Variants in FTCDNL1 observed in about 807,000 individuals in gnomAD.
The protein encoded by FTCDNL1 is formiminotransferase N-terminal subdomain-containing protein.
In FTCDNL1, 11 loss-of-function variants were observed where a neutral mutation model predicts 5.9. The observed-to-expected ratio is 1.87, with a 90% CI of 1.18 to 3.10. The LOEUF is 3.10. Among genes scored for constraint, FTCDNL1 ranks in the 30% most tolerant of loss-of-function variants. FTCDNL1 has a pLI of 0.00. For synonymous variants in FTCDNL1, 58 were observed against 24.8 expected (o/e 2.34, Z -3.99); for missense variants, 115 against 65.5 (o/e 1.76, Z -2.61).
chr2:199,685,931 G>A, the FTCDNL1 span, among the ~76,000 whole-genome samples: 1 of 152,206 alleles, frequency 6.6e-6, no homozygotes, highest in Non-Finnish European at 1.5e-5. Context: ...TTTACTTCAT[G>A]TGTGAGAAAT....
intron 3 of FTCDNL1, among the ~76,000 whole-genome samples, chr2:199,795,358 C>T (rs957752209): frequency 6.6e-6 from 1 of 152,172 alleles, no homozygotes; most frequent in African/African-American, 2.4e-5. Context: ...CCTCACTTTC[C>T]TCCCAATACA....
At position 199,846,083 on chromosome 2, in the gene FTCDNL1, T is replaced by C; in HGVS notation, c.203A>G (p.Asp68Gly). 1 of 693,218 alleles carries C rather than the reference T, an allele frequency of 1.4e-6. No homozygotes were observed. Among genetic ancestry groups the C allele is most frequent in the South Asian group, 1.5e-5 (1 of 65,472 alleles). 42.9% of individuals were successfully genotyped at this position (693,218 alleles called of 1,614,324 possible). A position where few individuals can be genotyped will look rare whatever the true frequency, so the allele number is the denominator to read the frequency against. The stretch of plus-strand genomic sequence containing the variant: ...AGAAACTGAAATCTTACCCAACTTA[T>C]CAACAGAAGTTGCTATTGTAATGAC... ...RSVITIATSV[D>G]KLGLAEDLVL... The change falls in exon 3 of 5, where the codon GAT (aspartate) becomes GGT (glycine). Residue 68 changes from aspartate (D) to glycine (G), a missense_variant. Physicochemically the swap from Asp to Gly is moderately conservative, Grantham distance 94. Transcript: ENST00000420128.
chr2:199,668,647 T>C, the FTCDNL1 span, among the ~76,000 whole-genome samples: 2 of 152,168 alleles, frequency 1.3e-5, no homozygotes, highest in East Asian at 1.9e-4. Context: ...TTGTTATGTT[T>C]GTCACCCCAG....
rs1229748897 is a variant in FTCDNL1, at chr2:199,809,464, T to C, written c.*3241A>G. ...TATTAAAGAAGATCACAGTCTTTCT[T>C]GCTAAACTCAATTTGTGGAAAAATT... is the stretch of plus-strand genomic sequence containing the variant. On this transcript the variant is annotated 3_prime_UTR_variant, in exon 5 of 5. Transcript: ENST00000420128. Among the ~76,000 whole-genome samples the C allele has an allele frequency of 6.6e-6, 1 of 152,182 alleles. No homozygotes were observed. The highest frequency in any genetic ancestry group is 1.5e-5 in the Non-Finnish European group (1 of 68,038).
chr2:199,769,862 T>C lies in FTCDNL1; in HGVS notation c.212-9027A>G, dbSNP rs529451459. Among the ~76,000 whole-genome samples, 118 of 152,322 alleles carry C rather than the reference T, an allele frequency of 7.7e-4. 1 individual carries two copies. In the Middle Eastern group the frequency reaches 0.01, roughly 13 times the overall value. On this transcript the variant is annotated intron_variant, in intron 3 of 3. Coordinates refer to the FTCDNL1 transcript ENST00000416668. ...TACTAAACTCTTCTCAGTACCCAGTTTGATTGAATCATCTGTTTCCTACAA... is the reference window on the plus strand; with the variant it reads ...TACTAAACTCTTCTCAGTACCCAGTCTGATTGAATCATCTGTTTCCTACAA...
chr2:199,687,496 T>C, the FTCDNL1 span, among the ~76,000 whole-genome samples: 8 of 152,348 alleles, frequency 5.3e-5, no homozygotes, highest in African/African-American at 1.9e-4. Context: ...AATAAAGCTA[T>C]GGTCAGCTCA....
At chr2:199,725,288 G>A in the FTCDNL1 span, among the ~76,000 whole-genome samples, 1 of 152,134 alleles carries the variant, frequency 6.6e-6, no homozygotes, top group African/African-American at 2.4e-5. Flanking sequence ...TTGCAAGTGA[G>A]ATGGGTCTCT....
chr2:199,784,778 T>C (rs973660487), intron 3 of FTCDNL1, among the ~76,000 whole-genome samples: 1 of 152,132 alleles, frequency 6.6e-6, no homozygotes, highest in Admixed American at 6.5e-5. Context: ...CTGGGGACAG[T>C]TCCTGGGGAG....
the FTCDNL1 span, among the ~76,000 whole-genome samples, chr2:199,736,517 A>T: frequency 6.6e-6 from 1 of 152,196 alleles, no homozygotes; most frequent in African/African-American, 2.4e-5. Context: ...TTCTCCCTTA[A>T]AGGTAGAAAT....
chr2:199,692,380 T>G, the FTCDNL1 span, among the ~76,000 whole-genome samples: 1 of 152,210 alleles, frequency 6.6e-6, no homozygotes. Context: ...ATGAATAATA[T>G]CACTATAACT....
the FTCDNL1 span, among the ~76,000 whole-genome samples, chr2:199,677,677 G>A: frequency 6.6e-6 from 1 of 152,112 alleles, no homozygotes; most frequent in Non-Finnish European, 1.5e-5. Flanking sequence ...GATTTTGAAA[G>A]AATACATATA....
the FTCDNL1 span, among the ~76,000 whole-genome samples, chr2:199,681,529 C>T: frequency 6.6e-6 from 1 of 152,140 alleles, no homozygotes; most frequent in African/African-American, 2.4e-5. Context: ...TCTGAAGCCT[C>T]TGCATAATAT....
intron 3 of FTCDNL1, among the ~76,000 whole-genome samples, chr2:199,787,339 C>T (rs368427097): frequency 1.3e-5 from 2 of 152,050 alleles, no homozygotes; most frequent in Non-Finnish European, 2.9e-5. Context: ...CACACTACCA[C>T]GCCCAGCTAA....
the FTCDNL1 span, among the ~76,000 whole-genome samples, chr2:199,749,277 T>C: frequency 6.6e-6 from 1 of 152,112 alleles, no homozygotes; most frequent in South Asian, 2.1e-4. Flanking sequence ...TGCTTAATGG[T>C]TTTTGAATGA....
intron 3 of FTCDNL1, among the ~76,000 whole-genome samples, chr2:199,843,909 T>A (rs1417225010): frequency 4.6e-5 from 7 of 151,702 alleles, no homozygotes; most frequent in African/African-American, 1.7e-4. Context: ...AAGTGGCAGT[T>A]CAGCTCTAAA....
the FTCDNL1 span, among the ~76,000 whole-genome samples, chr2:199,684,094 A>G: frequency 6.6e-6 from 1 of 152,238 alleles, no homozygotes; most frequent in African/African-American, 2.4e-5. Context: ...ACCACTTGCC[A>G]AAGAATTAAA....
At chr2:199,757,788 A>G (rs1251871519), downstream of FTCDNL1, among the ~76,000 whole-genome samples, 1 of 152,244 alleles carries the variant, frequency 6.6e-6, no homozygotes, top group Non-Finnish European at 1.5e-5. Context: ...CTAACTGTCC[A>G]GATGGGCATT....
chr2:199,845,112 C>T (rs2076695327), intron 3 of FTCDNL1, among the ~76,000 whole-genome samples: 1 of 151,878 alleles, frequency 6.6e-6, no homozygotes, highest in South Asian at 2.1e-4. Flanking sequence ...TGCTCTTATC[C>T]ACTAATTATA....
chr2:199,785,669 C>T (rs1422879439), intron 3 of FTCDNL1: 1 of 152,064 alleles, frequency 6.6e-6, no homozygotes, highest in Non-Finnish European at 1.5e-5. Context: ...CTTTTAGAGA[C>T]AGGGTCTCTG....
Sources: allele counts gnomAD v4.1 joint callset (sites outside exome capture counted in the v4.1 genomes callset), GRCh38; gene constraint gnomAD v4.1.1; transcripts MANE v1.5; gene names NCBI Gene and HGNC (gene_info 2026-07-23, HGNC 2026-07-21).